Variants in ATXN1 observed in about 807,000 individuals in gnomAD.
ATXN1 encodes the protein ataxin 1, also known as ataxin-1.
Under a neutral mutation model 56.4 loss-of-function variants are expected in ATXN1, and 8 were observed. The observed-to-expected ratio is 0.14, with a 90% CI of 0.08 to 0.26. The LOEUF is 0.26. Ranked by LOEUF, ATXN1 falls within the 10% of genes least tolerant of loss-of-function variation. The pLI is 1.00. For missense variants in ATXN1, 987 were observed against 1,106.5 expected, an observed-to-expected ratio of 0.89 and a Z score of 1.53; for synonymous variants, 514 against 494.6, an observed-to-expected ratio of 1.04 and a Z score of -0.52.
rs572085642 is a variant in ATXN1 at position 16,301,865 on chromosome 6, G to A, written c.*4464C>T. 1.2e-4 allele frequency: 18 copies of A among 152,838 alleles called. No individual in the cohort carries two copies. The highest frequency in any genetic ancestry group is 4.3e-4 in the African/African-American group (18 of 41,564). The allele number at this position is 152,838 out of a possible 1,614,324, so 9.5% of individuals were successfully genotyped here. A position where few individuals can be genotyped will look rare whatever the true frequency, so the allele number is the denominator to read the frequency against. On this transcript the variant is annotated 3_prime_UTR_variant, in exon 8 of 8. Coordinates refer to ENST00000436367, the MANE Select transcript of ATXN1 (RefSeq NM_001128164.2). The stretch of plus-strand genomic sequence containing the variant: ...CGGTATTAGTGTCTTCAAAAGCATT[G>A]GAGATTTTTCTCTCTATGAAAGAAA...
chr6:16,708,794 G>A (rs927912346), intron 2 of ATXN1, among the ~76,000 whole-genome samples: 11 of 152,176 alleles, frequency 7.2e-5, no homozygotes, highest in Admixed American at 7.2e-4. Context: ...GGGAGGCCAA[G>A]GCAGGTGGAA....
intron 6 of ATXN1, among the ~76,000 whole-genome samples, chr6:16,427,672 AG>A (rs1279142555): frequency 3.3e-5 from 5 of 152,192 alleles, no homozygotes; most frequent in Non-Finnish European, 7.3e-5. Flanking sequence ...CCAGCGTTTC[AG>A]GTGTTGAGCT....
intron 4 of ATXN1, among the ~76,000 whole-genome samples, chr6:16,536,818 G>A (rs1391739784): frequency 6.6e-6 from 1 of 152,196 alleles, no homozygotes; most frequent in South Asian, 2.1e-4. Context: ...AGACTCTGCA[G>A]AGCTTTATAT....
In ATXN1 at chr6:16,730,487, G is replaced by GTGTATATATATATATA. The variant is rs141836403; in HGVS notation, c.-615+22745_-615+22746insTATATATATATATACA. Among the ~76,000 whole-genome samples the GTGTATATATATATATA allele has an allele frequency of 4.8e-4, 63 of 132,042 alleles. 2 individuals are homozygous for GTGTATATATATATATA. The highest frequency in any genetic ancestry group is 1.3e-3 in the South Asian group (5 of 3,928). 86.6% of individuals were successfully genotyped at this position (132,042 alleles called of 152,430 possible). A position where few individuals can be genotyped will look rare whatever the true frequency, so the allele number is the denominator to read the frequency against. ...CTGGAGTTAAAGGGTAAAACAGTAT[G>GTGTATATATATATATA]TATATATATATATATATATAAATGT... On this transcript the variant is annotated intron_variant, in intron 2 of 7. Coordinates refer to ENST00000436367, the MANE Select transcript of ATXN1 (RefSeq NM_001128164.2).
chr6:16,606,888 T>TGTGTGTGTGTGTGTGTGTGTGTGG (rs145108851), intron 3 of ATXN1, among the ~76,000 whole-genome samples: 1 of 146,940 alleles, frequency 6.8e-6, no homozygotes, highest in African/African-American at 2.5e-5. Flanking sequence ...TGTGTGTGTG[T>TGTGTGTGTGTGTGTGTGTGTGTGG]TGTTTGTTTG....
At chr6:16,335,562 T>C (rs1158416940) in intron 6 of ATXN1, among the ~76,000 whole-genome samples, 1 of 152,198 alleles carries the variant, frequency 6.6e-6, no homozygotes, top group Non-Finnish European at 1.5e-5. Context: ...TAAATAATTT[T>C]ATGTATCTTA....
chr6:16,312,653 C>A (rs908625480), intron 7 of ATXN1, among the ~76,000 whole-genome samples: 1 of 152,098 alleles, frequency 6.6e-6, no homozygotes, highest in Admixed American at 6.5e-5. Flanking sequence ...GAGTTAGAGA[C>A]CAGTCTGGCC....
At chr6:16,544,632 GATTCAAGTGAGGATGAACA>G (rs1406634484) in intron 4 of ATXN1, among the ~76,000 whole-genome samples, 6 of 152,136 alleles carry the variant, frequency 3.9e-5, no homozygotes, top group Non-Finnish European at 8.8e-5. Flanking sequence ...ATGGCACTGG[GATTCAAGTGAGGATGAACA>G]TCTAAGATGA....
chr6:16,754,274 G>A (rs887633246), intron 1 of ATXN1, among the ~76,000 whole-genome samples: 1 of 152,104 alleles, frequency 6.6e-6, no homozygotes, highest in African/African-American at 2.4e-5. Flanking sequence ...AGTGAATGCT[G>A]GACTGATTTT....
intron 6 of ATXN1, among the ~76,000 whole-genome samples, chr6:16,475,356 A>G (rs1760304853): frequency 6.6e-6 from 1 of 152,244 alleles, no homozygotes; most frequent in Non-Finnish European, 1.5e-5. Flanking sequence ...CAAAGAGATG[A>G]GCAAGTTGCA....
At chr6:16,459,537 C>T (rs111925901) in intron 6 of ATXN1, among the ~76,000 whole-genome samples, 1,792 of 152,274 alleles carry the variant, frequency 0.012, 33 homozygotes, top group African/African-American at 0.039. Flanking sequence ...CCTCTATATC[C>T]GGTTGTACCC....
chr6:16,661,834 G>A (rs1392876654), intron 2 of ATXN1, among the ~76,000 whole-genome samples: 5 of 151,976 alleles, frequency 3.3e-5, no homozygotes, highest in Admixed American at 2.0e-4. Context: ...GATCCCTACC[G>A]CCCCCACCCT....
At chr6:16,715,657 T>C (rs1213190727) in intron 2 of ATXN1, among the ~76,000 whole-genome samples, 1 of 152,244 alleles carries the variant, frequency 6.6e-6, no homozygotes, top group African/African-American at 2.4e-5. Flanking sequence ...GTGATTCTGA[T>C]GACCAAATCT....
At chr6:16,567,750 G>C (rs955492974) in intron 4 of ATXN1, among the ~76,000 whole-genome samples, 3 of 151,824 alleles carry the variant, frequency 2.0e-5, no homozygotes, top group Non-Finnish European at 2.9e-5. Context: ...GTCAGCAAGA[G>C]TATTTTTGTG....
intron 5 of ATXN1, among the ~76,000 whole-genome samples, chr6:16,508,598 T>C (rs924532154): frequency 6.6e-6 from 1 of 152,190 alleles, no homozygotes; most frequent in African/African-American, 2.4e-5. Context: ...TACTATCAAA[T>C]ACATTTTTTT....
At position 16,301,479 on chromosome 6, in the gene ATXN1, G is replaced by A. The variant is rs1760097432; in HGVS notation, c.*4850C>T. 6.6e-6 allele frequency: 1 copy of A among 152,362 alleles called. No individual in the cohort carries two copies. The highest frequency in any genetic ancestry group is 1.9e-4 in the East Asian group (1 of 5,200). 9.4% of individuals were successfully genotyped at this position (152,362 alleles called of 1,614,324 possible). ...ACCCAACACAATAGCAGATGCATGTGCTTTATAAAAAAGTATATTCTCTGT... is the reference window on the plus strand; with the variant it reads ...ACCCAACACAATAGCAGATGCATGTACTTTATAAAAAAGTATATTCTCTGT... On this transcript the variant is annotated 3_prime_UTR_variant, in exon 8 of 8. Coordinates refer to ENST00000436367, the MANE Select transcript of ATXN1 (RefSeq NM_001128164.2).
chr6:16,328,681 C>G lies in ATXN1; in HGVS notation c.-160-211G>C, dbSNP rs1760907189. The stretch of plus-strand genomic sequence containing the variant: ...TAGCCAACACTTTGGGAGGCCGAGG[C>G]AGGCAGATCACGAGGTCAGGAGATT... On this transcript the variant is annotated intron_variant, in intron 6 of 7. Coordinates refer to ENST00000436367, the MANE Select transcript of ATXN1 (RefSeq NM_001128164.2). This position sits in a 1 kb window ranked among gnomAD's most constrained non-coding sequence, Gnocchi z 6.2. Among the ~76,000 whole-genome samples the G allele has an allele frequency of 6.6e-6, 1 of 152,116 alleles. No individual in the cohort carries two copies.
chr6:16,327,633 GTGCTGCTGCTGCTGCTGCTGCTGCTGC>G lies in ATXN1; in HGVS notation c.651_677del (p.Gln217_Gln225del), dbSNP rs751421308. ...TGATGAGCCCCGGAGCCCTGCTGAG[GTGCTGCTGCTGCTGCTGCTGCTGCTGC>G]TGCTGCTGCTGCTGCTGATGCTGAT... On this transcript the variant is annotated inframe_deletion, in exon 7 of 8. Coordinates refer to ENST00000436367, the MANE Select transcript of ATXN1 (RefSeq NM_001128164.2). 21 of 1,451,590 alleles carry G rather than the reference GTGCTGCTGCTGCTGCTGCTGCTGCTGC, an allele frequency of 1.4e-5. No homozygotes were observed. Among genetic ancestry groups the G allele is most frequent in the Admixed American group, 5.9e-5 (3 of 50,952 alleles). 89.9% of individuals were successfully genotyped at this position (1,451,590 alleles called of 1,614,324 possible).
At chr6:16,611,849 A>ATTTTTTTTTTTTTTTTTTTTT (rs369870821) in intron 3 of ATXN1, among the ~76,000 whole-genome samples, 1 of 75,170 alleles carries the variant, frequency 1.3e-5, no homozygotes, top group Non-Finnish European at 2.4e-5. Context: ...AGCAGATGAA[A>ATTTTTTTTTTTTTTTTTTTTT]TTTTTTTTTT....
Sources: gnomAD v4.1 joint callset for allele counts (sites outside exome capture counted in the v4.1 genomes callset) on GRCh38, gnomAD v4.1.1 for gene constraint, Gnocchi (gnomAD v3.1) non-coding constraint, MANE v1.5 for transcripts, NCBI Gene and HGNC (gene_info 2026-07-23, HGNC 2026-07-21) for gene names.